The following TRPM3 variants were observed in gnomAD, a reference collection of about 807,000 sequenced individuals.
TRPM3 encodes long transient receptor potential channel 3.
In TRPM3, 77 loss-of-function variants were observed where a neutral mutation model predicts 181.2. The ratio of observed to expected loss-of-function variants is 0.42; its 90% confidence interval spans 0.35 to 0.51. The LOEUF (loss-of-function observed/expected upper bound fraction) is 0.51, where lower values mean the gene tolerates loss of function less well. Ranked by LOEUF, TRPM3 falls within the 20% of genes least tolerant of loss-of-function variation. The probability of loss-of-function intolerance (pLI) is 0.01; values close to 1 mark genes in which losing one functional copy is unlikely to be tolerated. For missense variants in TRPM3, 1,759 were observed against 2,196.7 expected (o/e 0.80, Z 3.98); for synonymous variants, 745 against 796.4 (o/e 0.94, Z 1.09).
chr9:71,280,364 C>G (rs2084608802), intron 1 of TRPM3, among the ~76,000 whole-genome samples: 1 of 152,144 alleles, frequency 6.6e-6, no homozygotes, highest in Admixed American at 6.5e-5. Flanking sequence ...GAAAAATATT[C>G]CCCACATGGA....
chr9:71,206,803 T>C (rs1297977098), intron 1 of TRPM3, among the ~76,000 whole-genome samples: 1 of 152,150 alleles, frequency 6.6e-6, no homozygotes, highest in Admixed American at 6.6e-5. Context: ...TTTCTGCATA[T>C]GGCTAGCCAG....
intron 1 of TRPM3, among the ~76,000 whole-genome samples, chr9:71,059,639 T>C (rs376478844): frequency 3.9e-5 from 6 of 152,196 alleles, no homozygotes; most frequent in African/African-American, 1.4e-4. Flanking sequence ...CTTGATAATG[T>C]ATGTGGGACT....
intron 1 of TRPM3, among the ~76,000 whole-genome samples, chr9:71,042,023 A>C (rs1183317199): frequency 3.9e-5 from 6 of 152,190 alleles, no homozygotes; most frequent in Non-Finnish European, 8.8e-5. Flanking sequence ...ATACATACAC[A>C]CACACAGAAC....
At chr9:70,884,974 T>C (rs1307855166) in intron 1 of TRPM3, among the ~76,000 whole-genome samples, 2 of 152,198 alleles carry the variant, frequency 1.3e-5, no homozygotes, top group African/African-American at 4.8e-5. Context: ...GCTTTCTGAA[T>C]GACACTGCTA....
At chr9:70,641,161 T>C (rs2058007942) in intron 9 of TRPM3, among the ~76,000 whole-genome samples, 1 of 152,158 alleles carries the variant, frequency 6.6e-6, no homozygotes, top group Non-Finnish European at 1.5e-5. Flanking sequence ...TGCTCTACCG[T>C]CTGGCTAGGC....
chr9:71,153,283 C>G (rs544550778), intron 1 of TRPM3, among the ~76,000 whole-genome samples: 1 of 149,582 alleles, frequency 6.7e-6, no homozygotes, highest in East Asian at 2.0e-4. Context: ...TTTTAAATGG[C>G]GCCATTAATT....
intron 7 of TRPM3, among the ~76,000 whole-genome samples, chr9:70,762,714 A>G (rs2078364268): frequency 6.6e-6 from 1 of 152,234 alleles, no homozygotes; most frequent in Non-Finnish European, 1.5e-5. Flanking sequence ...AACTCTATAG[A>G]CAAGGGATTT....
intron 1 of TRPM3, among the ~76,000 whole-genome samples, chr9:71,229,413 G>A (rs764978293): frequency 6.6e-6 from 1 of 152,062 alleles, no homozygotes; most frequent in African/African-American, 2.4e-5. Flanking sequence ...CTTGGCAAAG[G>A]TTTCTTGAGT....
chr9:71,270,221 G>A (rs1260373200), intron 1 of TRPM3, among the ~76,000 whole-genome samples: 1 of 152,080 alleles, frequency 6.6e-6, no homozygotes, highest in Non-Finnish European at 1.5e-5. Flanking sequence ...GTAGTGGTGG[G>A]TGCCTGTAAT....
intron 19 of TRPM3, among the ~76,000 whole-genome samples, chr9:70,608,089 C>T (rs912417229): frequency 5.3e-5 from 8 of 152,350 alleles, no homozygotes; most frequent in Middle Eastern, 3.4e-3. Context: ...ATAAGGCAAA[C>T]GCTGAGCTGT....
chr9:71,442,744 T>C (rs550674441), intron 1 of TRPM3, among the ~76,000 whole-genome samples: 1 of 152,174 alleles, frequency 6.6e-6, no homozygotes, highest in Non-Finnish European at 1.5e-5. Flanking sequence ...GATTAAAAAA[T>C]TTGAGATGAA....
intron 1 of TRPM3, among the ~76,000 whole-genome samples, chr9:71,195,698 G>C (rs1007413439): frequency 6.6e-6 from 1 of 152,064 alleles, no homozygotes; most frequent in African/African-American, 2.4e-5. Context: ...CAAAGATATA[G>C]TATCAACCTA....
chr9:70,932,212 C>T (rs1026388079), intron 1 of TRPM3, among the ~76,000 whole-genome samples: 3 of 152,106 alleles, frequency 2.0e-5, no homozygotes, highest in Non-Finnish European at 2.9e-5. Context: ...ACATTATTGC[C>T]AGCCTTCCTC....
chr9:70,592,140 T>C (rs1014773806), intron 21 of TRPM3, among the ~76,000 whole-genome samples: 1 of 152,354 alleles, frequency 6.6e-6, no homozygotes, highest in South Asian at 2.1e-4. Context: ...GCAATAACTA[T>C]TGATTTTTTT....
chr9:71,277,646 A>G (rs574302947), intron 1 of TRPM3, among the ~76,000 whole-genome samples: 2 of 152,326 alleles, frequency 1.3e-5, no homozygotes, highest in African/African-American at 4.8e-5. Flanking sequence ...TCTCCTGATC[A>G]TGTAAAATGC....
intron 1 of TRPM3, among the ~76,000 whole-genome samples, chr9:70,915,713 AC>A (rs1390254245): frequency 6.6e-6 from 1 of 151,978 alleles, no homozygotes; most frequent in African/African-American, 2.4e-5. Flanking sequence ...GAAAAAAAAA[AC>A]AATAAAGCAA....
chr9:70,784,271 G>T lies in TRPM3; in HGVS notation c.982C>A (p.Gln328Lys). 1 of 1,588,210 alleles carries T rather than the reference G, an allele frequency of 6.3e-7. No individual in the cohort carries two copies. Among genetic ancestry groups the T allele is most frequent in the South Asian group, 1.1e-5 (1 of 87,746 alleles). The stretch of plus-strand genomic sequence containing the variant: ...ATGAGTGCCACCACAGGAACACCTT[G>T]ACCGATTCCTGCATTAAAAAAGGAA... Reference protein sequence around the residue: ...SLQKINTRIGQGVPVVALIVE... With the variant: ...SLQKINTRIGKGVPVVALIVE... Residue 328 changes from glutamine (Q) to lysine (K), a missense_variant, in exon 7 of 26, where the codon CAA (glutamine) becomes AAA (lysine). This residue lies in a region of TRPM3 where 737 missense variants were observed against 957.4 expected (regional missense o/e 0.77). Coordinates refer to ENST00000677713, the MANE Select transcript of TRPM3 (RefSeq NM_001366145.2).
chr9:70,687,614 G>A (rs760387197), intron 8 of TRPM3, among the ~76,000 whole-genome samples: 4 of 152,170 alleles, frequency 2.6e-5, no homozygotes, highest in Non-Finnish European at 4.4e-5. Context: ...CTTGTGGACA[G>A]ATTACCTTAG....
intron 19 of TRPM3, among the ~76,000 whole-genome samples, chr9:70,608,553 G>A (rs1473716850): frequency 6.6e-6 from 1 of 152,042 alleles, no homozygotes; most frequent in Non-Finnish European, 1.5e-5. Flanking sequence ...ATATTATCTC[G>A]GGCTGGGCGC....
Sources: allele counts gnomAD v4.1 joint callset (sites outside exome capture counted in the v4.1 genomes callset), GRCh38; gene constraint gnomAD v4.1.1; regional missense constraint gnomAD v4.1.1; transcripts MANE v1.5; gene names NCBI Gene and HGNC (gene_info 2026-07-23, HGNC 2026-07-21).